WWOX: variants seen among roughly 807,000 people sequenced by gnomAD.
WWOX encodes WW domain-containing oxidoreductase.
In WWOX, 69 loss-of-function variants were observed where a neutral mutation model predicts 46.2. The ratio of observed to expected loss-of-function variants is 1.49; its 90% CI spans 1.23 to 1.82. The LOEUF (loss-of-function observed/expected upper bound fraction) is 1.82. Ranked by LOEUF, WWOX falls within the 40% of genes most tolerant of loss-of-function variation. WWOX has a pLI of 0.00. For missense variants in WWOX, 919 were observed against 542.6 expected (o/e 1.69, Z -6.89); for synonymous variants, 359 against 202.6 (o/e 1.77, Z -6.56).
intron 8 of WWOX, among the ~76,000 whole-genome samples, chr16:78,458,572 A>C (rs933681209): frequency 6.6e-6 from 1 of 152,122 alleles, no homozygotes; most frequent in African/African-American, 2.4e-5. Flanking sequence ...TTGGTATACC[A>C]TTGTTTTTCT....
chr16:78,904,790 T>G (rs1327729083), intron 8 of WWOX, among the ~76,000 whole-genome samples: 1 of 152,234 alleles, frequency 6.6e-6, no homozygotes, highest in Non-Finnish European at 1.5e-5. Context: ...CTTTGCACCT[T>G]CTTTTTATCA....
At chr16:78,195,835 A>AG (rs1597339056) in intron 5 of WWOX, among the ~76,000 whole-genome samples, 2 of 150,302 alleles carry the variant, frequency 1.3e-5, no homozygotes, top group South Asian at 2.1e-4. Context: ...AAAAAAAAAA[A>AG]AAAAAGAAAA....
At chr16:78,161,963 T>A (rs2151732999) in intron 4 of WWOX, among the ~76,000 whole-genome samples, 1 of 152,312 alleles carries the variant, frequency 6.6e-6, no homozygotes. Context: ...GCTATATATT[T>A]TAAAACTCAC....
chr16:79,208,460 G>A (rs181254355), intron 8 of WWOX, among the ~76,000 whole-genome samples: 2 of 152,210 alleles, frequency 1.3e-5, no homozygotes, highest in East Asian at 3.9e-4. Flanking sequence ...TATCACAATG[G>A]ATCAGTAAGC....
At chr16:78,283,509 A>G (rs2079716539) in intron 5 of WWOX, among the ~76,000 whole-genome samples, 1 of 152,154 alleles carries the variant, frequency 6.6e-6, no homozygotes, top group African/African-American at 2.4e-5. Context: ...TTGAGTAAAT[A>G]TATTATACAC....
chr16:78,447,055 C>G (rs1177776348), intron 8 of WWOX, among the ~76,000 whole-genome samples: 5 of 152,154 alleles, frequency 3.3e-5, no homozygotes, highest in Non-Finnish European at 1.5e-5. Context: ...CTTCTCTGTA[C>G]TCTGTCCTGT....
intron 8 of WWOX, among the ~76,000 whole-genome samples, chr16:78,566,608 G>A (rs1375580645): frequency 1.3e-5 from 2 of 152,146 alleles, no homozygotes; most frequent in East Asian, 1.9e-4. Flanking sequence ...GGAAGCTGTG[G>A]TTTTTACCTC....
Position 78,981,406 on chromosome 16 carries a change from G to A in WWOX, c.1057-230202G>A, listed in dbSNP as rs183926665. On this transcript the variant is annotated intron_variant, in intron 8 of 8. Transcript: ENST00000566780. ...ATGTGGGCAGCTGTCCATGCAGCAC[G>A]TATCACATCCAGGATGATGTTTATA... 3.3e-5 allele frequency among the ~76,000 whole-genome samples: 5 copies of A among 151,804 alleles called. 1 individual carries two copies. Among genetic ancestry groups the A allele is most frequent in the Admixed American group, 1.3e-4 (2 of 15,228 alleles).
In WWOX at chr16:78,731,410, A is replaced by C. The variant is rs936533269; in HGVS notation, c.1056+298658A>C. Among the ~76,000 whole-genome samples the C allele has an allele frequency of 7.2e-5, 11 of 152,274 alleles. No individual in the cohort carries two copies. The South Asian group carries it at 1.0e-3, about 14-fold the overall frequency. On this transcript the variant is annotated intron_variant, in intron 8 of 8. Coordinates refer to ENST00000566780, the MANE Select transcript of WWOX (RefSeq NM_016373.4). The stretch of plus-strand genomic sequence containing the variant: ...CACACTAATACTACGGCTCCTTGGG[A>C]AATCTTTCTGCACTGATCCCTTTGA...
intron 8 of WWOX, among the ~76,000 whole-genome samples, chr16:78,593,899 G>T (rs943817626): frequency 3.9e-5 from 6 of 152,106 alleles, no homozygotes; most frequent in African/African-American, 1.4e-4. Context: ...AATGATCTTT[G>T]GGTTCCTTCT....
intron 8 of WWOX, among the ~76,000 whole-genome samples, chr16:78,529,431 C>T (rs1174387744): frequency 4.6e-5 from 7 of 151,840 alleles, no homozygotes; most frequent in Admixed American, 2.0e-4. Flanking sequence ...TGTCGGGTCC[C>T]GTGGGCTCTT....
intron 5 of WWOX, among the ~76,000 whole-genome samples, chr16:78,261,963 TCA>T (rs2079253828): frequency 6.6e-6 from 1 of 150,818 alleles, no homozygotes; most frequent in Non-Finnish European, 1.5e-5. Flanking sequence ...GGCCAAGGCC[TCA>T]TTATATCTGA....
At chr16:79,151,737 G>T (rs894089164) in intron 8 of WWOX, among the ~76,000 whole-genome samples, 3 of 152,170 alleles carry the variant, frequency 2.0e-5, no homozygotes, top group African/African-American at 7.2e-5. Context: ...CGGCCTGCCA[G>T]GGTGCCTGAC....
At chr16:78,496,880 A>G (rs2084931093) in intron 8 of WWOX, among the ~76,000 whole-genome samples, 1 of 152,216 alleles carries the variant, frequency 6.6e-6, no homozygotes, top group African/African-American at 2.4e-5. Context: ...AGAGGAATGA[A>G]TGACTGTTGA....
At chr16:79,208,293 T>C (rs752389801) in intron 8 of WWOX, among the ~76,000 whole-genome samples, 2 of 152,052 alleles carry the variant, frequency 1.3e-5, no homozygotes, top group Non-Finnish European at 2.9e-5. Flanking sequence ...CCTAACTCAT[T>C]GCCATTGCTG....
At chr16:78,382,084 T>C (rs1272273786) in intron 5 of WWOX, among the ~76,000 whole-genome samples, 2 of 152,176 alleles carry the variant, frequency 1.3e-5, no homozygotes. Context: ...CTTTTTTTTA[T>C]AATGGATGTG....
At chr16:78,505,224 C>A (rs553304871) in intron 8 of WWOX, among the ~76,000 whole-genome samples, 4 of 152,176 alleles carry the variant, frequency 2.6e-5, no homozygotes, top group Admixed American at 2.0e-4. Flanking sequence ...AATCGTCAGC[C>A]TCTAGAATGC....
Position 78,996,382 on chromosome 16 carries a change from GCC to G in WWOX, c.1057-215221_1057-215220del, listed in dbSNP as rs1172913591. 2.4e-5 allele frequency: 18 copies of G among 750,288 alleles called. No individual in the cohort carries two copies. The East Asian group carries it at 1.5e-3, about 63-fold the overall frequency. The allele number at this position is 750,288 out of a possible 1,614,324, so 46.5% of individuals were successfully genotyped here. A position where few individuals can be genotyped will look rare whatever the true frequency, so the allele number is the denominator to read the frequency against. On this transcript the variant is annotated intron_variant, in intron 8 of 8. Coordinates refer to ENST00000566780, the MANE Select transcript of WWOX (RefSeq NM_016373.4). The stretch of plus-strand genomic sequence containing the variant: ...GTGAGTGAATTCTGCACCCACCCCC[GCC>G]CCCCAGCTTCCCCACCTGTAAAATG...
chr16:78,640,393 C>T (rs987915588), intron 8 of WWOX, among the ~76,000 whole-genome samples: 2 of 151,926 alleles, frequency 1.3e-5, no homozygotes, highest in African/African-American at 4.8e-5. Context: ...TCCTGGTGTT[C>T]AGAATTGGCA....
Sources: gnomAD v4.1 joint callset for allele counts (sites outside exome capture counted in the v4.1 genomes callset) on GRCh38, gnomAD v4.1.1 for gene constraint, MANE v1.5 for transcripts, NCBI Gene and HGNC (gene_info 2026-07-23, HGNC 2026-07-21) for gene names.